The following F9 variants were observed in gnomAD, a reference collection of about 807,000 sequenced individuals.
The protein encoded by F9 is Christmas factor.
Under a neutral mutation model 34.1 loss-of-function variants are expected in F9, and 2 were observed. The observed-to-expected ratio is 0.06, with a 90% CI of 0.02 to 0.18. The LOEUF is 0.18. Among genes scored for constraint, F9 ranks in the 10% least tolerant of loss-of-function variants. The pLI, the probability that F9 is intolerant of heterozygous loss-of-function variation, is 1.00. For missense variants in F9, 216 were observed against 345.1 expected (o/e 0.63, Z 2.96); for synonymous variants, 137 against 118.8 (o/e 1.15, Z -1.00).
In F9 at chrX:139,537,383, G is replaced by A; in HGVS notation, c.274G>A (p.Val92Ile). 4 of 1,185,492 alleles carry A rather than the reference G, an allele frequency of 3.4e-6. No individual in the cohort carries two copies. The highest frequency in any genetic ancestry group is 4.6e-6 in the Non-Finnish European group (4 of 872,113). Residue 92 changes from valine (V) to isoleucine (I), a missense_variant, in exon 3 of 8, where the codon GTT (valine) becomes ATT (isoleucine). Coordinates refer to ENST00000218099, the MANE Select transcript of F9 (RefSeq NM_000133.4). ...ATAGACTGAATTTTGGAAGCAGTAT[G>A]TTGGTAAGCAATTCATTTTATCCTC... The part of the protein sequence containing the change: ...ERTTEFWKQY[V>I]DGDQCESNPC...
chrX:139,562,012 A>G lies in F9; in HGVS notation c.1327A>G (p.Ile443Val). 8.3e-7 allele frequency: 1 copy of G among 1,211,305 alleles called. No homozygotes were observed. Among genetic ancestry groups the G allele is most frequent in the Non-Finnish European group, 1.1e-6 (1 of 895,168 alleles). The change falls in exon 8 of 8, where the codon ATA (isoleucine) becomes GTA (valine). Residue 443 changes from isoleucine (I) to valine (V), a missense_variant. Around this residue, in one of 2 missense-constraint regions of F9, gnomAD observed 177 missense variants for 311.8 expected, o/e 0.57. Transcript: ENST00000218099. ...EECAMKGKYG[I>V]YTKVSRYVNW... ...GTGTGCAATGAAAGGCAAATATGGAATATATACCAAGGTATCCCGGTATGT... is the reference window on the plus strand; with the variant it reads ...GTGTGCAATGAAAGGCAAATATGGAGTATATACCAAGGTATCCCGGTATGT...
intron 7 of F9, among the ~76,000 whole-genome samples, chrX:139,561,298 G>T (rs1603267277): frequency 8.9e-6 from 1 of 111,960 alleles, no homozygotes; most frequent in East Asian, 2.8e-4. Flanking sequence ...ACCAATGAAA[G>T]GCTTATAACA....
chrX:139,557,139 C>T (rs965566471), intron 6 of F9, among the ~76,000 whole-genome samples: 3 of 111,655 alleles, frequency 2.7e-5, no homozygotes, highest in Non-Finnish European at 5.6e-5. Flanking sequence ...TCCCATTAGA[C>T]TATGACTAAC....
At chrX:139,560,304 C>A (rs1379642731) in intron 6 of F9, among the ~76,000 whole-genome samples, 1 of 111,151 alleles carries the variant, frequency 9.0e-6, no homozygotes, top group Non-Finnish European at 1.9e-5. Context: ...TTTTGAGTAA[C>A]ATGTAGCAAA....
chrX:139,534,939 C>T (rs977003664), intron 1 of F9, among the ~76,000 whole-genome samples: 1 of 111,363 alleles, frequency 9.0e-6, no homozygotes. Flanking sequence ...TCACAGTCCT[C>T]GGCTGTCTGG....
Position 139,561,664 on chromosome X carries a change from C to A in F9, c.979C>A (p.Leu327Ile), listed in dbSNP as rs772061412. 8.3e-7 allele frequency: 1 copy of A among 1,210,304 alleles called. No homozygotes were observed. Among genetic ancestry groups the A allele is most frequent in the Admixed American group, 2.2e-5 (1 of 45,759 alleles). The change falls in exon 8 of 8, where the codon CTA becomes ATA. Residue 327 changes from leucine (L) to isoleucine (I), a missense_variant. Coordinates refer to ENST00000218099, the MANE Select transcript of F9 (RefSeq NM_000133.4). ...ALLELDEPLV[L>I]NSYVTPICIA... ...TCTGGAACTGGACGAACCCTTAGTG[C>A]TAAACAGCTACGTTACACCTATTTG...
chrX:139,553,833 AG>A (rs1569331188), intron 6 of F9, among the ~76,000 whole-genome samples: 4 of 98,261 alleles, frequency 4.1e-5, no homozygotes, highest in East Asian at 3.0e-4. Flanking sequence ...AAAAAAAAAA[AG>A]TCCAAGATTA....
intron 7 of F9, among the ~76,000 whole-genome samples, chrX:139,561,059 T>C (rs1371975420): frequency 9.0e-6 from 1 of 111,548 alleles, no homozygotes; most frequent in Non-Finnish European, 1.9e-5. Flanking sequence ...CTCATTTCAG[T>C]GAGGTACAAT....
intron 1 of F9, among the ~76,000 whole-genome samples, chrX:139,534,609 A>G (rs756249209): frequency 4.4e-4 from 50 of 112,603 alleles, no homozygotes; most frequent in African/African-American, 1.5e-3. Flanking sequence ...AACTATTTAC[A>G]TAGCATTTAC....
chrX:139,533,060 C>A (rs1337101877), intron 1 of F9, among the ~76,000 whole-genome samples: 1 of 111,058 alleles, frequency 9.0e-6, no homozygotes, highest in Non-Finnish European at 1.9e-5. Flanking sequence ...AGAGAGCAGT[C>A]CTGAGACTAT....
In F9 at chrX:139,537,254, T is replaced by G. The variant is rs1927503464; in HGVS notation, c.252+81T>G. On this transcript the variant is annotated intron_variant, in intron 2 of 7. Coordinates refer to ENST00000218099, the MANE Select transcript of F9 (RefSeq NM_000133.4). ...AAAAAGACACTTCTCTTTAAAATTTTAAAGCATCCATATATATTTATGTAT... is the reference window on the plus strand; with the variant it reads ...AAAAAGACACTTCTCTTTAAAATTTGAAAGCATCCATATATATTTATGTAT... 3 of 1,122,036 alleles carry G rather than the reference T, an allele frequency of 2.7e-6. No homozygotes were observed. In the African/African-American group the frequency reaches 5.4e-5, roughly 20 times the overall value. 92.5% of individuals were successfully genotyped at this position (1,122,036 alleles called of 1,213,427 possible).
In F9 at chrX:139,537,130, G is replaced by C. The variant is rs751200298; in HGVS notation, c.209G>C (p.Ser70Thr). 4 of 1,209,908 alleles carry C rather than the reference G, an allele frequency of 3.3e-6. No individual in the cohort carries two copies. The highest frequency in any genetic ancestry group is 4.5e-6 in the Non-Finnish European group (4 of 895,026). ...LERECMEEKC[S>T]FEEAREVFEN... ...AGAGAATGTATGGAAGAAAAGTGTA[G>C]TTTTGAAGAAGCACGAGAAGTTTTT... The change falls in exon 2 of 8, where the codon AGT becomes ACT. Residue 70 changes from serine to threonine, a missense_variant. Transcript: ENST00000218099.
At position 139,563,118 on chromosome X, in the gene F9, C is replaced by T. The variant is rs921093255; in HGVS notation, c.*1047C>T. 6 of 108,786 alleles carry T rather than the reference C, an allele frequency of 5.5e-5. No individual in the cohort carries two copies. The highest frequency in any genetic ancestry group is 3.0e-4 in the Admixed American group (3 of 10,001). 9.0% of individuals were successfully genotyped at this position (108,786 alleles called of 1,213,427 possible). ...ATAATGCTAACAGAAAGAAGAGAAC[C>T]GTTCGTTTGCAATCTACAGCTAGTA... On this transcript the variant is annotated 3_prime_UTR_variant, in exon 8 of 8. Transcript: ENST00000218099.
chrX:139,547,856 A>G (rs1927750188), intron 4 of F9: 1 of 113,582 alleles, frequency 8.8e-6, no homozygotes, highest in African/African-American at 3.3e-5. Flanking sequence ...TTTATAATTC[A>G]AGAACTGGCA....
intron 1 of F9, among the ~76,000 whole-genome samples, chrX:139,531,362 T>C (rs912200183): frequency 8.9e-5 from 10 of 112,208 alleles, no homozygotes; most frequent in Admixed American, 3.8e-4. Context: ...TTTTAAATTA[T>C]ATATCTTCAA....
At chrX:139,537,409 T>C in intron 3 of F9, 23 bp downstream of exon 3, 2 of 1,130,651 alleles carry the variant, frequency 1.8e-6, no homozygotes, top group Non-Finnish European at 2.4e-6. Context: ...TTTTATCCTC[T>C]AGCTAATATA....
At chrX:139,561,160 A>T (rs1208817730) in intron 7 of F9, among the ~76,000 whole-genome samples, 1 of 111,697 alleles carries the variant, frequency 9.0e-6, no homozygotes, top group Non-Finnish European at 1.9e-5. Flanking sequence ...GCTTGGCACA[A>T]CCTGTAGCAG....
rs754753591 is a variant in F9 at position 139,554,199 on chromosome X, A to G, written c.723+2935A>G. Among the ~76,000 whole-genome samples the G allele has an allele frequency of 3.6e-5, 4 of 111,808 alleles. No homozygotes were observed. The East Asian group carries it at 1.1e-3, about 32-fold the overall frequency. On this transcript the variant is annotated intron_variant, in intron 6 of 7. Transcript: ENST00000218099. Reference sequence around the variant, plus strand: ...TTTCATGACCTCACTGCACACTTATAGTTATTGTACCTGTTGTCTTTTTGC... The same window carrying G: ...TTTCATGACCTCACTGCACACTTATGGTTATTGTACCTGTTGTCTTTTTGC...
Position 139,530,755 on chromosome X carries a change from A to G in F9, c.-10A>G. The G allele has an allele frequency of 8.3e-7, 1 of 1,206,060 alleles. No homozygotes were observed. Among genetic ancestry groups the G allele is most frequent in the South Asian group, 1.8e-5 (1 of 56,873 alleles). On this transcript the variant is annotated 5_prime_UTR_variant, in exon 1 of 8. Coordinates refer to ENST00000218099, the MANE Select transcript of F9 (RefSeq NM_000133.4). The stretch of plus-strand genomic sequence containing the variant: ...GACCTTACCACTTTCACAATCTGCT[A>G]GCAAAGGTTATGCAGCGCGTGAACA...
Sources: gnomAD v4.1 joint callset for allele counts (sites outside exome capture counted in the v4.1 genomes callset) on GRCh38, gnomAD v4.1.1 for gene constraint, gnomAD v4.1.1 regional missense constraint, MANE v1.5 for transcripts, NCBI Gene and HGNC (gene_info 2026-07-23, HGNC 2026-07-21) for gene names.